The following GSDMC variants were observed in gnomAD, a reference collection of about 807,000 sequenced individuals.
GSDMC encodes the protein gasdermin C.
In GSDMC, 59 loss-of-function variants were observed where a neutral mutation model predicts 58.0. The observed-to-expected ratio is 1.02, with a 90% CI of 0.82 to 1.26. The LOEUF (loss-of-function observed/expected upper bound fraction) is 1.26. Among genes scored for constraint, GSDMC ranks in the 50% most tolerant of loss-of-function variants. The pLI, the probability that GSDMC is intolerant of heterozygous loss-of-function variation, is 0.00. For missense variants in GSDMC, 659 were observed against 598.5 expected (o/e 1.10, Z -1.06); for synonymous variants, 241 against 220.2 (o/e 1.09, Z -0.83).
chr8:129,776,717 T>A (rs2034239077), intron 2 of GSDMC, among the ~76,000 whole-genome samples: 1 of 149,210 alleles, frequency 6.7e-6, no homozygotes. Context: ...GGGACATAAC[T>A]GTTTTTTTGT....
the GSDMC span, among the ~76,000 whole-genome samples, chr8:129,718,072 A>T: frequency 6.6e-6 from 1 of 152,224 alleles, no homozygotes; most frequent in Non-Finnish European, 1.5e-5. Context: ...TAAAAATCCT[A>T]GAAGAAAACA....
At chr8:129,763,059 C>T (rs749247008) in intron 4 of GSDMC, among the ~76,000 whole-genome samples, 5 of 152,060 alleles carry the variant, frequency 3.3e-5, no homozygotes, top group Non-Finnish European at 7.4e-5. Context: ...ATTAACATCC[C>T]CATGTTCAAG....
At chr8:129,785,739 C>T (rs569848690) in intron 1 of GSDMC, among the ~76,000 whole-genome samples, 2 of 130,904 alleles carry the variant, frequency 1.5e-5, no homozygotes, top group Admixed American at 7.7e-5. Context: ...CTGATATGGG[C>T]CATGTAAGAG....
intron 1 of GSDMC, among the ~76,000 whole-genome samples, chr8:129,778,159 A>G (rs1327604916): frequency 6.6e-6 from 1 of 152,212 alleles, no homozygotes; most frequent in Non-Finnish European, 1.5e-5. Context: ...GTGACATTTG[A>G]ACAATAATGT....
chr8:129,778,791 G>A (rs1462181083), intron 1 of GSDMC, among the ~76,000 whole-genome samples: 1 of 149,912 alleles, frequency 6.7e-6, no homozygotes, highest in Non-Finnish European at 1.5e-5. Context: ...TAAGAAGTGG[G>A]CAAACGACAT....
Position 129,750,465 on chromosome 8 carries a change from C to G in GSDMC, c.1049G>C (p.Arg350Thr), listed in dbSNP as rs2033142211. Reference sequence around the variant, plus strand: ...CAGGTCCTGTAGAGCCCCTCTGTCTCTGAGCATGGCCAGGATACTGTAGAA... The same window carrying G: ...CAGGTCCTGTAGAGCCCCTCTGTCTGTGAGCATGGCCAGGATACTGTAGAA... ...VMFYSILAML[R>T]DRGALQDLMN... The change falls in exon 11 of 14, where the codon AGA (arginine) becomes ACA (threonine). Residue 350 changes from arginine to threonine, a missense_variant. Coordinates refer to ENST00000276708, the MANE Select transcript of GSDMC (RefSeq NM_031415.3). 1 of 1,614,124 alleles carries G rather than the reference C, an allele frequency of 6.2e-7. No homozygotes were observed. Among genetic ancestry groups the G allele is most frequent in the African/African-American group, 1.3e-5 (1 of 75,060 alleles).
the GSDMC span, chr8:129,729,912 C>G: frequency 1.5e-6 from 2 of 1,349,072 alleles, no homozygotes; most frequent in Non-Finnish European, 2.1e-6. Flanking sequence ...GGTGACTAAT[C>G]CAAAAGATTT....
At chr8:129,741,209 G>C in the GSDMC span, among the ~76,000 whole-genome samples, 3 of 152,124 alleles carry the variant, frequency 2.0e-5, no homozygotes, top group East Asian at 5.8e-4. Flanking sequence ...CAATTTGTCT[G>C]TTGTAATGCC....
chr8:129,720,727 C>G, the GSDMC span, among the ~76,000 whole-genome samples: 1 of 152,184 alleles, frequency 6.6e-6, no homozygotes, highest in Non-Finnish European at 1.5e-5. Flanking sequence ...TACATCATCT[C>G]ATTTGATGTT....
chr8:129,722,033 C>T, the GSDMC span, among the ~76,000 whole-genome samples: 1 of 151,950 alleles, frequency 6.6e-6, no homozygotes, highest in African/African-American at 2.4e-5. Context: ...GCTAGTTGGC[C>T]AAAAAAATTA....
the GSDMC span, among the ~76,000 whole-genome samples, chr8:129,710,000 T>G: frequency 6.6e-6 from 1 of 152,238 alleles, no homozygotes; most frequent in Non-Finnish European, 1.5e-5. Context: ...TGTTCATCTC[T>G]GGGTACCAGC....
At chr8:129,722,799 A>T in the GSDMC span, among the ~76,000 whole-genome samples, 1 of 152,174 alleles carries the variant, frequency 6.6e-6, no homozygotes, top group East Asian at 1.9e-4. Flanking sequence ...ATACAGATGG[A>T]TTTAACTTTT....
At chr8:129,778,730 C>T (rs2034320957) in intron 1 of GSDMC, among the ~76,000 whole-genome samples, 1 of 150,642 alleles carries the variant, frequency 6.6e-6, no homozygotes, top group Non-Finnish European at 1.5e-5. Context: ...GGTCTAATAT[C>T]CAGCATCTAT....
intron 1 of GSDMC, among the ~76,000 whole-genome samples, chr8:129,785,284 C>T (rs1213513428): frequency 6.6e-6 from 1 of 151,400 alleles, no homozygotes; most frequent in Non-Finnish European, 1.5e-5. Flanking sequence ...ATAAGCCAGG[C>T]ACAGAAAGAC....
At chr8:129,754,499 A>G (rs1193733812) in intron 6 of GSDMC, among the ~76,000 whole-genome samples, 1 of 152,232 alleles carries the variant, frequency 6.6e-6, no homozygotes, top group Non-Finnish European at 1.5e-5. Context: ...GGACAGGCAC[A>G]AACAAGCCTG....
the GSDMC span, among the ~76,000 whole-genome samples, chr8:129,719,661 G>A: frequency 3.9e-5 from 6 of 152,148 alleles, no homozygotes; most frequent in Non-Finnish European, 8.8e-5. Context: ...AACGATTCAA[G>A]TGGCCAGGTA....
chr8:129,718,091 A>G, the GSDMC span, among the ~76,000 whole-genome samples: 3 of 152,230 alleles, frequency 2.0e-5, no homozygotes, highest in African/African-American at 7.2e-5. Context: ...CATAGTCAAT[A>G]CTATTCAAGA....
At chr8:129,749,365 A>G (rs911754614) in intron 13 of GSDMC, 87 bp downstream of exon 13, 2 of 978,424 alleles carry the variant, frequency 2.0e-6, no homozygotes, top group African/African-American at 1.6e-5. Context: ...AAAAACCTGT[A>G]TCATCTCTCT....
At chr8:129,738,764 CTGCACG>C in the GSDMC span, among the ~76,000 whole-genome samples, 1 of 152,062 alleles carries the variant, frequency 6.6e-6, no homozygotes, top group South Asian at 2.1e-4. Context: ...TGTAACAAAC[CTGCACG>C]TTGTGCACTT....
Sources: allele counts gnomAD v4.1 joint callset (sites outside exome capture counted in the v4.1 genomes callset), GRCh38; gene constraint gnomAD v4.1.1; transcripts MANE v1.5; gene names NCBI Gene and HGNC (gene_info 2026-07-23, HGNC 2026-07-21).